TROAP: variants seen among roughly 807,000 people sequenced by gnomAD.
TROAP encodes the protein trophinin associated protein.
A neutral mutation model predicts 83.4 loss-of-function variants in TROAP; 62 were observed. That is an observed-to-expected ratio of 0.74 (90% CI 0.61 to 0.92). The LOEUF (loss-of-function observed/expected upper bound fraction) is 0.92, where lower values mean the gene tolerates loss of function less well. Ranked by LOEUF, TROAP falls within the 40% of genes least tolerant of loss-of-function variation. TROAP has a pLI of 0.00. For synonymous variants in TROAP, 352 were observed against 386.4 expected, an observed-to-expected ratio of 0.91 and a Z score of 1.04; for missense variants, 876 against 985.1, an observed-to-expected ratio of 0.89 and a Z score of 1.48.
At position 49,328,934 on chromosome 12, in the gene TROAP, A is replaced by G. The variant is rs745308212; in HGVS notation, c.899A>G (p.His300Arg). The G allele has an allele frequency of 4.5e-6, 7 of 1,562,412 alleles. No homozygotes were observed. Among genetic ancestry groups the G allele is most frequent in the South Asian group, 1.2e-5 (1 of 83,736 alleles). Residue 300 changes from histidine (H) to arginine (R), a missense_variant, in exon 9 of 15, where the codon CAT becomes CGT. Physicochemically the swap from His to Arg is conservative, Grantham distance 29. This residue lies in a region of TROAP where 689 missense variants were observed against 722.6 expected (regional missense o/e 0.95). Transcript: ENST00000257909. Reference sequence around the variant, plus strand: ...CCTTTTTCTTCTTCACAGGACAGCCATGACTCCCACCTGATGCCCTCCCCT... The same window carrying G: ...CCTTTTTCTTCTTCACAGGACAGCCGTGACTCCCACCTGATGCCCTCCCCT... ...NREMSHTRDSHDSHLMPSPAP... is the reference protein window; with the variant it reads ...NREMSHTRDSRDSHLMPSPAP...
chr12:49,330,227 C>G lies in TROAP; in HGVS notation c.1382C>G (p.Ser461Cys). 6.2e-7 allele frequency: 1 copy of G among 1,614,140 alleles called. No homozygotes were observed. ...GGQCVPLNGGSSLDMVELQPL... is the reference protein window; with the variant it reads ...GGQCVPLNGGCSLDMVELQPL... ...CAGTGTGTCCCTCTTAATGGAGGCT[C>G]TTCTCTGGATATGGTTGAACTTCAG... is the stretch of plus-strand genomic sequence containing the variant. The change falls in exon 13 of 15, where the codon TCT becomes TGT. Residue 461 changes from serine (S) to cysteine (C), a missense_variant. Ser to Cys is a moderately radical substitution (Grantham distance 112, BLOSUM62 -1). Transcript: ENST00000257909.
rs980293394 is a variant in TROAP, at chr12:49,329,518, G to A, written c.1164+64G>A. The A allele has an allele frequency of 6.5e-6, 10 of 1,535,484 alleles. No individual in the cohort carries two copies. In the African/African-American group the frequency reaches 1.4e-4, roughly 21 times the overall value. ...CCTGTGCTGCCAGCCTGGAGGCCCA[G>A]GAGTTTGAGGCACACGTGCTTTCTG... On this transcript the variant is annotated intron_variant, in intron 11 of 14. Coordinates refer to ENST00000257909, the MANE Select transcript of TROAP (RefSeq NM_005480.4). The surrounding 1 kb of genome is among the most constrained non-coding windows in gnomAD (Gnocchi z 4.5).
In TROAP at chr12:49,329,407, C is replaced by G. The variant is rs781099050; in HGVS notation, c.1117C>G (p.Arg373Gly). 6.2e-7 allele frequency: 1 copy of G among 1,612,648 alleles called. No homozygotes were observed. The highest frequency in any genetic ancestry group is 8.5e-7 in the Non-Finnish European group (1 of 1,179,124). Residue 373 changes from arginine (R) to glycine (G), a missense_variant, in exon 11 of 15, where the codon CGT becomes GGT. Transcript: ENST00000257909. The surrounding 1 kb of genome is among the most constrained non-coding windows in gnomAD (Gnocchi z 4.5). ...TPRVQQAQWL[R>G]GVSPQSCSED... ...ACTTCTGTGCCAGGCCCAGTGGCTG[C>G]GTGGTGTCTCCCCTCAGTCCTGCTC...
chr12:49,326,265 C>T, intron 6 of TROAP, 107 bp downstream of exon 6: 1 of 1,129,632 alleles, frequency 8.9e-7, no homozygotes, highest in Non-Finnish European at 1.3e-6. Flanking sequence ...TAGGACTCCC[C>T]ACCAACTCAG....
intron 5 of TROAP, 64 bp from the exon 6 acceptor site, chr12:49,326,012 G>A (rs1943494823): frequency 1.2e-6 from 2 of 1,607,404 alleles, no homozygotes; most frequent in Middle Eastern, 2.1e-4. Context: ...GGGGTTGGTG[G>A]TGAGGCCTGA....
Position 49,326,178 on chromosome 12 carries a change from G to A in TROAP, c.716+20G>A. On this transcript the variant is annotated intron_variant, in intron 6 of 14. Coordinates refer to ENST00000257909, the MANE Select transcript of TROAP (RefSeq NM_005480.4). ...CAGCCGGTGAGAAAGGAGAGGGTGT[G>A]GGAGAAGGTCATCTGGAAAAGAATG... The A allele has an allele frequency of 6.2e-7, 1 of 1,611,080 alleles. No homozygotes were observed. Among genetic ancestry groups the A allele is most frequent in the Non-Finnish European group, 8.5e-7 (1 of 1,177,546 alleles).
chr12:49,323,824 T>C, intron 2 of TROAP, 21 bp from the exon 3 acceptor site: 3 of 1,613,866 alleles, frequency 1.9e-6, no homozygotes, highest in Non-Finnish European at 2.5e-6. Context: ...CTCACCTTTT[T>C]GTCCCCGCTC....
chr12:49,330,529 A>T lies in TROAP; in HGVS notation c.1684A>T (p.Ser562Cys). 6.2e-7 allele frequency: 1 copy of T among 1,613,506 alleles called. No homozygotes were observed. Among genetic ancestry groups the T allele is most frequent in the Non-Finnish European group, 8.5e-7 (1 of 1,179,684 alleles). Residue 562 changes from serine to cysteine, a missense_variant, in exon 13 of 15, where the codon AGT (serine) becomes TGT (cysteine). By Grantham distance (112) the Ser-to-Cys change is moderately radical. Transcript: ENST00000257909. ...EPRPLESCCRSEPEIPESSRQ... is the reference protein window; with the variant it reads ...EPRPLESCCRCEPEIPESSRQ... Reference sequence around the variant, plus strand: ...CAGGCCCCTAGAGTCCTGCTGTAGGAGTGAGCCTGAGATACCGGAGTCCTC... The same window carrying T: ...CAGGCCCCTAGAGTCCTGCTGTAGGTGTGAGCCTGAGATACCGGAGTCCTC...
chr12:49,331,014 T>C (rs774186659), intron 13 of TROAP, 71 bp downstream of exon 13: 4 of 1,584,522 alleles, frequency 2.5e-6, no homozygotes, highest in African/African-American at 1.3e-5. Context: ...ACACCTGCCC[T>C]GCCCCTACCC....
chr12:49,329,316 A>G lies in TROAP; in HGVS notation c.1104+72A>G. ...GAGAAAGGAGATGGATGGGTACAGG[A>G]GAGAGAAGACAGAAGCAAGGGGAGG... On this transcript the variant is annotated intron_variant, in intron 10 of 14. Coordinates refer to ENST00000257909, the MANE Select transcript of TROAP (RefSeq NM_005480.4). The surrounding 1 kb of genome is among the most constrained non-coding windows in gnomAD (Gnocchi z 4.5). 6.2e-7 allele frequency: 1 copy of G among 1,613,152 alleles called. No homozygotes were observed. The highest frequency in any genetic ancestry group is 1.6e-4 in the Middle Eastern group (1 of 6,062).
chr12:49,323,365 C>A lies in TROAP; in HGVS notation c.-6+16C>A. 1 of 526,772 alleles carries A rather than the reference C, an allele frequency of 1.9e-6. No individual in the cohort carries two copies. Among genetic ancestry groups the A allele is most frequent in the Non-Finnish European group, 3.4e-6 (1 of 297,506 alleles). The allele number at this position is 526,772 out of a possible 1,614,324, so 32.6% of individuals were successfully genotyped here. ...CCTCGGTAAGGTAAGGCACGGGGGTCTTGAAGGGAACGAAGGCTGCTGGGT... is the reference window on the plus strand; with the variant it reads ...CCTCGGTAAGGTAAGGCACGGGGGTATTGAAGGGAACGAAGGCTGCTGGGT... On this transcript the variant is annotated intron_variant, in intron 1 of 14. Coordinates refer to ENST00000257909, the MANE Select transcript of TROAP (RefSeq NM_005480.4).
At chr12:49,328,415 A>T (rs1299925704) in intron 8 of TROAP, among the ~76,000 whole-genome samples, 1 of 151,598 alleles carries the variant, frequency 6.6e-6, no homozygotes, top group Non-Finnish European at 1.5e-5. Context: ...TAGAGACAGG[A>T]TTTCTCCATG....
intron 6 of TROAP, 78 bp from the exon 7 acceptor site, chr12:49,326,590 G>A: frequency 7.1e-7 from 1 of 1,405,498 alleles, no homozygotes; most frequent in African/African-American, 1.4e-5. Context: ...ATGAGATGAT[G>A]TTTGTAAAGC....
rs1187906004 is a variant in TROAP at position 49,329,284 on chromosome 12, G to A, written c.1104+40G>A. On this transcript the variant is annotated intron_variant, in intron 10 of 14. Coordinates refer to ENST00000257909, the MANE Select transcript of TROAP (RefSeq NM_005480.4). The surrounding 1 kb of genome is among the most constrained non-coding windows in gnomAD (Gnocchi z 4.5). ...GGAGAGGTGGCTGGCATAAGTCACAGCTAGGGGAGAAAGGAGATGGATGGG... is the reference window on the plus strand; with the variant it reads ...GGAGAGGTGGCTGGCATAAGTCACAACTAGGGGAGAAAGGAGATGGATGGG... 1.2e-6 allele frequency: 2 copies of A among 1,613,604 alleles called. No homozygotes were observed. Among genetic ancestry groups the A allele is most frequent in the Non-Finnish European group, 1.7e-6 (2 of 1,179,486 alleles).
In TROAP at chr12:49,326,783, A is replaced by T. The variant is rs112213487; in HGVS notation, c.769+63A>T. 5 of 1,524,824 alleles carry T rather than the reference A, an allele frequency of 3.3e-6. No homozygotes were observed. In the African/African-American group the frequency reaches 6.9e-5, roughly 21 times the overall value. 94.5% of individuals were successfully genotyped at this position (1,524,824 alleles called of 1,614,324 possible). A position where few individuals can be genotyped will look rare whatever the true frequency, so the allele number is the denominator to read the frequency against. On this transcript the variant is annotated intron_variant, in intron 7 of 14. Coordinates refer to ENST00000257909, the MANE Select transcript of TROAP (RefSeq NM_005480.4). The stretch of plus-strand genomic sequence containing the variant: ...TGGGCTGCCTGAAGCAGGGAACAAG[A>T]CCAGAGAAAACTCAGCAGGCTGGGA...
chr12:49,326,922 C>G (rs1009204805), intron 7 of TROAP, among the ~76,000 whole-genome samples: 3 of 152,206 alleles, frequency 2.0e-5, no homozygotes, highest in Non-Finnish European at 2.9e-5. Context: ...GAGATGGTCT[C>G]CATTTCGGCC....
chr12:49,329,895 T>C lies in TROAP; in HGVS notation c.1203T>C (p.Cys401=). 1 of 1,614,038 alleles carries C rather than the reference T, an allele frequency of 6.2e-7. No individual in the cohort carries two copies. Among genetic ancestry groups the C allele is most frequent in the African/African-American group, 1.3e-5 (1 of 74,990 alleles). ...VAVRLFDQES[C]IRSLEGSGKP... ...TCCGGTTGTTTGACCAGGAGAGTTG[T>C]ATAAGGTCACTGGAGGGTTCTGGGA... Residue 401 remains cysteine (C), a synonymous_variant, in exon 12 of 15, where the codon TGT becomes TGC. Coordinates refer to ENST00000257909, the MANE Select transcript of TROAP (RefSeq NM_005480.4). This position sits in a 1 kb window ranked among gnomAD's most constrained non-coding sequence, Gnocchi z 4.5.
chr12:49,323,604 C>T lies in TROAP; in HGVS notation c.-5C>T. ...GCCTTCTTCCCCGTCTCAATTGTAG[C>T]CATCATGACCACCCGGCAAGCCACG... On this transcript the variant is annotated splice_region_variant and 5_prime_UTR_variant, in exon 2 of 15. Transcript: ENST00000257909. The T allele has an allele frequency of 1.2e-6, 2 of 1,613,530 alleles. No individual in the cohort carries two copies. Among genetic ancestry groups the T allele is most frequent in the Non-Finnish European group, 1.7e-6 (2 of 1,179,692 alleles).
rs1245981256 is a variant in TROAP at position 49,329,417 on chromosome 12, C to G, written c.1127C>G (p.Ser376Cys). 1.2e-6 allele frequency: 2 copies of G among 1,612,426 alleles called. No individual in the cohort carries two copies. The highest frequency in any genetic ancestry group is 3.3e-5 in the Admixed American group (2 of 59,920). Residue 376 changes from serine to cysteine, a missense_variant, in exon 11 of 15, where the codon TCC (serine) becomes TGC (cysteine). Ser to Cys is a moderately radical substitution (Grantham distance 112, BLOSUM62 -1). Around this residue, in one of 3 missense-constraint regions of TROAP, gnomAD observed 689 missense variants for 722.6 expected, o/e 0.95. Transcript: ENST00000257909. The surrounding 1 kb of genome is among the most constrained non-coding windows in gnomAD (Gnocchi z 4.5). Reference sequence around the variant, plus strand: ...CAGGCCCAGTGGCTGCGTGGTGTCTCCCCTCAGTCCTGCTCTGAAGATCCT... The same window carrying G: ...CAGGCCCAGTGGCTGCGTGGTGTCTGCCCTCAGTCCTGCTCTGAAGATCCT... ...VQQAQWLRGV[S>C]PQSCSEDPAL...
Sources: allele counts gnomAD v4.1 joint callset (sites outside exome capture counted in the v4.1 genomes callset), GRCh38; gene constraint gnomAD v4.1.1; regional missense constraint gnomAD v4.1.1; non-coding constraint Gnocchi (gnomAD v3.1); transcripts MANE v1.5; gene names NCBI Gene and HGNC (gene_info 2026-07-23, HGNC 2026-07-21).